RAD51C: variants seen among roughly 807,000 people sequenced by gnomAD.
RAD51C encodes RAD51 paralog C.
A neutral mutation model predicts 45.0 loss-of-function variants in RAD51C; 42 were observed. The ratio of observed to expected loss-of-function variants is 0.93; its 90% CI spans 0.73 to 1.21. RAD51C has a LOEUF of 1.21. RAD51C is among the 50% of genes most tolerant of loss of function. The pLI, the probability that RAD51C is intolerant of heterozygous loss-of-function variation, is 0.00. For missense variants in RAD51C, 474 were observed against 452.2 expected, an observed-to-expected ratio of 1.05 and a Z score of -0.44; for synonymous variants, 172 against 159.8, an observed-to-expected ratio of 1.08 and a Z score of -0.58.
intron 4 of RAD51C, among the ~76,000 whole-genome samples, chr17:58,707,552 C>T (rs1361625446): frequency 6.6e-6 from 1 of 151,782 alleles, no homozygotes; most frequent in Non-Finnish European, 1.5e-5. Flanking sequence ...CAGAATTGCC[C>T]TTAATGTCCA....
chr17:58,695,325 A>G, intron 2 of RAD51C, 136 bp downstream of exon 2: 1 of 1,413,092 alleles, frequency 7.1e-7, no homozygotes, highest in Non-Finnish European at 9.2e-7. Context: ...TTAAACAAAA[A>G]TTAGCTTACT....
rs1222826165 is a variant in RAD51C at position 58,734,110 on chromosome 17, T to C, written c.1027-8T>C. ...AGCATATTTGTATATATATTTTTTATCTTTCAGCCTCAGGGATTTAGAGAT... is the reference window on the plus strand; with the variant it reads ...AGCATATTTGTATATATATTTTTTACCTTTCAGCCTCAGGGATTTAGAGAT... On this transcript the variant is annotated splice_polypyrimidine_tract_variant and splice_region_variant and intron_variant, in intron 8 of 8. Transcript: ENST00000337432. 1 of 1,609,856 alleles carries C rather than the reference T, an allele frequency of 6.2e-7. No homozygotes were observed. The highest frequency in any genetic ancestry group is 8.5e-7 in the Non-Finnish European group (1 of 1,177,496).
intron 5 of RAD51C, among the ~76,000 whole-genome samples, chr17:58,712,741 A>G (rs1454432123): frequency 6.6e-6 from 1 of 151,714 alleles, no homozygotes; most frequent in Non-Finnish European, 1.5e-5. Flanking sequence ...AATGGCATGA[A>G]CCCGGGAGGC....
At chr17:58,723,774 G>C (rs2049008126) in intron 6 of RAD51C, among the ~76,000 whole-genome samples, 1 of 151,762 alleles carries the variant, frequency 6.6e-6, no homozygotes, top group Non-Finnish European at 1.5e-5. Flanking sequence ...CGTTAGGCTT[G>C]ATGATATGGA....
chr17:58,695,927 C>T (rs892607965), intron 2 of RAD51C, among the ~76,000 whole-genome samples: 5 of 150,888 alleles, frequency 3.3e-5, no homozygotes, highest in Non-Finnish European at 5.9e-5. Flanking sequence ...ATTAGCCAGG[C>T]ATGGTGGTTC....
intron 5 of RAD51C, among the ~76,000 whole-genome samples, chr17:58,712,818 CA>C (rs1268249103): frequency 5.6e-5 from 7 of 124,916 alleles, no homozygotes; most frequent in East Asian, 2.4e-4. Context: ...GACTCCGTCT[CA>C]AAAAAAAAAG....
chr17:58,694,851 ATT>A (rs2047935830), intron 1 of RAD51C, 78 bp from the exon 2 acceptor site: 1 of 1,287,262 alleles, frequency 7.8e-7, no homozygotes, highest in African/African-American at 1.5e-5. Flanking sequence ...TTGTCTACAA[ATT>A]AATAAAGACA....
chr17:58,704,914 A>AT (rs551068968), intron 4 of RAD51C, among the ~76,000 whole-genome samples: 43 of 149,324 alleles, frequency 2.9e-4, no homozygotes, highest in South Asian at 6.3e-4. Flanking sequence ...TAATTAATTA[A>AT]TTTTTTTTTT....
chr17:58,730,862 T>G (rs2049392690), intron 7 of RAD51C, among the ~76,000 whole-genome samples: 1 of 152,186 alleles, frequency 6.6e-6, no homozygotes, highest in African/African-American at 2.4e-5. Context: ...ATTCATATTG[T>G]GCAGCCATCA....
intron 7 of RAD51C, among the ~76,000 whole-genome samples, chr17:58,729,229 G>GC (rs2049300922): frequency 1.3e-5 from 2 of 152,010 alleles, no homozygotes; most frequent in East Asian, 3.9e-4. Flanking sequence ...GTTTGGTTTT[G>GC]TTTTTGAGAT....
At chr17:58,716,399 C>G (rs1321896328) in intron 5 of RAD51C, among the ~76,000 whole-genome samples, 1 of 152,144 alleles carries the variant, frequency 6.6e-6, no homozygotes, top group Admixed American at 6.6e-5. Context: ...AGCTGCATGA[C>G]TGTTCAGCAC....
chr17:58,730,413 G>T (rs2049374734), intron 7 of RAD51C, among the ~76,000 whole-genome samples: 1 of 150,128 alleles, frequency 6.7e-6, no homozygotes, highest in Non-Finnish European at 1.5e-5. Flanking sequence ...TCCTGACCTC[G>T]TGATCTGCCT....
intron 3 of RAD51C, among the ~76,000 whole-genome samples, chr17:58,699,369 A>G (rs686425): frequency 0.64 from 96,726 of 151,898 alleles, 31,175 homozygotes; most frequent in African/African-American, 0.71. Flanking sequence ...CTTTCCAATA[A>G]AAGTTTTAAA....
At chr17:58,725,872 G>A (rs891635828) in intron 7 of RAD51C, among the ~76,000 whole-genome samples, 1 of 151,698 alleles carries the variant, frequency 6.6e-6, no homozygotes, top group Admixed American at 6.6e-5. Flanking sequence ...CACACCTTTA[G>A]TCCCAGCTAC....
chr17:58,734,356 A>G lies in RAD51C; in HGVS notation c.*134A>G. 1 of 1,416,004 alleles carries G rather than the reference A, an allele frequency of 7.1e-7. No homozygotes were observed. The highest frequency in any genetic ancestry group is 9.5e-7 in the Non-Finnish European group (1 of 1,047,878). The allele number at this position is 1,416,004 out of a possible 1,614,324, so 87.7% of individuals were successfully genotyped here. A position where few individuals can be genotyped will look rare whatever the true frequency, so the allele number is the denominator to read the frequency against. ...ATCCAGATCATATGAAGTGAATGGG[A>G]AAAATACCTAAATATGATTCTGTGA... On this transcript the variant is annotated 3_prime_UTR_variant, in exon 9 of 9. Transcript: ENST00000337432.
At chr17:58,732,747 G>C in intron 8 of RAD51C, 1 of 566,980 alleles carries the variant, frequency 1.8e-6, no homozygotes, top group Non-Finnish European at 3.2e-6. Context: ...ATTCTTAAGA[G>C]CAGAGGAAAT....
chr17:58,733,972 T>A, intron 8 of RAD51C, 146 bp from the exon 9 acceptor site: 2 of 1,275,980 alleles, frequency 1.6e-6, no homozygotes, highest in Admixed American at 4.9e-5. Flanking sequence ...CACCTCAGCC[T>A]CCCAAAGTGC....
chr17:58,726,349 G>A (rs2049122835), intron 7 of RAD51C, among the ~76,000 whole-genome samples: 1 of 149,472 alleles, frequency 6.7e-6, no homozygotes, highest in Admixed American at 6.7e-5. Context: ...GTCCTTTATT[G>A]TGCAAAGCAC....
chr17:58,693,023 A>C, intron 1 of RAD51C: 1 of 566,242 alleles, frequency 1.8e-6, no homozygotes, highest in East Asian at 3.2e-5. Flanking sequence ...TGCCTGCTGA[A>C]TGCTTTGAGG....
Sources: gnomAD v4.1 joint callset for allele counts (sites outside exome capture counted in the v4.1 genomes callset) on GRCh38, gnomAD v4.1.1 for gene constraint, MANE v1.5 for transcripts, NCBI Gene and HGNC (gene_info 2026-07-23, HGNC 2026-07-21) for gene names.